Variants in MACF1 observed in about 807,000 individuals in gnomAD.
MACF1 encodes microtubule actin crosslinking factor 1, also known as microtubule-actin cross-linking factor 1.
In MACF1, 193 loss-of-function variants were observed where a neutral mutation model predicts 854.8. The ratio of observed to expected loss-of-function variants is 0.23; its 90% CI spans 0.20 to 0.25. The LOEUF is 0.25. MACF1 is among the 10% of genes least tolerant of loss of function. MACF1 has a pLI of 1.00. For synonymous variants in MACF1, 3,185 were observed against 3,226.7 expected (o/e 0.99, Z 0.44); for missense variants, 7,722 against 8,929.1 (o/e 0.86, Z 5.45).
At chr1:39,271,067 T>C (rs925884812) in intron 6 of MACF1, among the ~76,000 whole-genome samples, 2 of 152,074 alleles carry the variant, frequency 1.3e-5, no homozygotes, top group African/African-American at 2.4e-5. Context: ...GTGATAGTTG[T>C]GTTATGGTAG....
At chr1:39,311,182 G>A (rs982051217) in intron 26 of MACF1, among the ~76,000 whole-genome samples, 182 bp downstream of exon 26, 5 of 152,232 alleles carry the variant, frequency 3.3e-5, no homozygotes, top group African/African-American at 1.2e-4. Context: ...AGCTCCATGT[G>A]TATTGCTAAA....
chr1:39,092,363 T>C (rs1303405372), intron 2 of MACF1, among the ~76,000 whole-genome samples: 1 of 152,170 alleles, frequency 6.6e-6, no homozygotes, highest in Non-Finnish European at 1.5e-5. Context: ...TAATAGCTGG[T>C]AAAGTCACTG....
chr1:39,187,684 C>G (rs1644190199), intron 2 of MACF1, among the ~76,000 whole-genome samples: 1 of 152,136 alleles, frequency 6.6e-6, no homozygotes, highest in Non-Finnish European at 1.5e-5. Flanking sequence ...TTCTAGGTTG[C>G]AAATCACTTT....
intron 49 of MACF1, among the ~76,000 whole-genome samples, chr1:39,362,308 C>T (rs955693688): frequency 6.6e-6 from 1 of 152,182 alleles, no homozygotes; most frequent in Admixed American, 6.5e-5. Context: ...TTGCTGCCTT[C>T]GCTTTATCCA....
intron 51 of MACF1, among the ~76,000 whole-genome samples, chr1:39,372,007 C>T (rs1339894990): frequency 2.0e-5 from 3 of 151,764 alleles, no homozygotes; most frequent in African/African-American, 4.8e-5. Context: ...TTAGTAGAGA[C>T]GGGGTTTCAC....
chr1:39,102,924 G>C lies in MACF1; in HGVS notation c.220+18486G>C, dbSNP rs755293422. 2.4e-5 allele frequency: 17 copies of C among 701,898 alleles called. No homozygotes were observed. In the South Asian group the frequency reaches 2.5e-4, roughly 10 times the overall value. The allele number at this position is 701,898 out of a possible 1,614,324, so 43.5% of individuals were successfully genotyped here. A position where few individuals can be genotyped will look rare whatever the true frequency, so the allele number is the denominator to read the frequency against. On this transcript the variant is annotated intron_variant, in intron 2 of 93. Coordinates refer to the MACF1 transcript ENST00000361689. ...CTTCTTCCCATCCCCCCTGGCAGCCGCTTTGTTCCTCTAGCCTTGTAAAAT... is the reference window on the plus strand; with the variant it reads ...CTTCTTCCCATCCCCCCTGGCAGCCCCTTTGTTCCTCTAGCCTTGTAAAAT...
rs76171876 is a variant in MACF1 at position 39,317,492 on chromosome 1, A to G, written c.3782+85A>G. 3.9e-3 allele frequency: 5,543 copies of G among 1,408,976 alleles called. 218 individuals are homozygous for G. The African/African-American group carries it at 0.073, about 19-fold the overall frequency. The allele number at this position is 1,408,976 out of a possible 1,614,324, so 87.3% of individuals were successfully genotyped here. ...AACAGAGTTATATCTGTACATTTAT[A>G]TTTAAAGGTGGAAATGGATAGGGAG... On this transcript the variant is annotated intron_variant, in intron 29 of 100. Transcript: ENST00000564288.
intron 6 of MACF1, among the ~76,000 whole-genome samples, chr1:39,277,772 C>G (rs752894822): frequency 6.6e-6 from 1 of 152,164 alleles, no homozygotes; most frequent in Non-Finnish European, 1.5e-5. Flanking sequence ...TAAATTGTCT[C>G]CCTGATTAAA....
intron 85 of MACF1, 98 bp downstream of exon 85, chr1:39,451,309 G>T: frequency 8.2e-7 from 1 of 1,221,166 alleles, no homozygotes. Flanking sequence ...CTTCTTTCTA[G>T]GGGAGAAAGA....
intron 43 of MACF1, among the ~76,000 whole-genome samples, chr1:39,352,774 CCT>C (rs1205636697): frequency 6.7e-6 from 1 of 149,820 alleles, no homozygotes; most frequent in Non-Finnish European, 1.5e-5. Context: ...CTGTGTCCTG[CCT>C]CTTTTTTTTT....
chr1:39,128,709 A>AG (rs1268528250), intron 2 of MACF1, among the ~76,000 whole-genome samples: 1 of 152,114 alleles, frequency 6.6e-6, no homozygotes, highest in East Asian at 1.9e-4. Context: ...AAAAAAAAAA[A>AG]AAGATTTCTG....
At chr1:39,113,493 C>T (rs571789208) in intron 2 of MACF1, among the ~76,000 whole-genome samples, 34 of 152,274 alleles carry the variant, frequency 2.2e-4, no homozygotes, top group African/African-American at 6.7e-4. Flanking sequence ...TCCAACAGTA[C>T]ATCTGGCAAT....
At chr1:39,346,402 A>T (rs796897444) in intron 40 of MACF1, among the ~76,000 whole-genome samples, 29 of 152,158 alleles carry the variant, frequency 1.9e-4, no homozygotes, top group Admixed American at 1.6e-3. Flanking sequence ...TAACAATAGT[A>T]TAATTATGCT....
intron 72 of MACF1, among the ~76,000 whole-genome samples, chr1:39,439,839 C>G (rs1466584766): frequency 6.6e-6 from 1 of 152,134 alleles, no homozygotes; most frequent in Non-Finnish European, 1.5e-5. Context: ...CTCCTGACCT[C>G]AGGTGATCCA....
Position 39,310,265 on chromosome 1 carries a change from G to T in MACF1, c.2937G>T (p.Gly979=), listed in dbSNP as rs774004723. The change falls in exon 25 of 101, where the codon GGG becomes GGT. Residue 979 remains glycine (G), a synonymous_variant. Transcript: ENST00000564288. ...TCTAGCTTCGATCCTCAGCACCAGG[G>T]GAGTGCCATCAGATTATGAAGAACC... ...NLEKLRSSAP[G]ECHQIMKNLQ... The T allele has an allele frequency of 6.2e-7, 1 of 1,613,466 alleles. No individual in the cohort carries two copies. The highest frequency in any genetic ancestry group is 1.1e-5 in the South Asian group (1 of 90,954).
At chr1:39,419,319 G>A (rs1450869476) in intron 58 of MACF1, among the ~76,000 whole-genome samples, 2 of 152,198 alleles carry the variant, frequency 1.3e-5, no homozygotes, top group Non-Finnish European at 2.9e-5. Context: ...GGAAATGTTT[G>A]TAAACAAAGT....
chr1:39,412,158 G>A (rs778880071), intron 58 of MACF1: 1 of 1,613,980 alleles, frequency 6.2e-7, no homozygotes, highest in African/African-American at 1.3e-5. Flanking sequence ...ATGGCAGTTT[G>A]TCCCAGGGAG....
Position 39,427,086 on chromosome 1 carries a change from C to T in MACF1, c.16317-369C>T, listed in dbSNP as rs568964064. Among the ~76,000 whole-genome samples the T allele has an allele frequency of 4.9e-4, 74 of 152,246 alleles. No individual in the cohort carries two copies. The South Asian group carries it at 0.015, about 30-fold the overall frequency. ...GTTCAGGTGATATATATACTACATT[C>T]TGTTTTGATTTGTGTTAAATAAGGA... On this transcript the variant is annotated intron_variant, in intron 61 of 100. Transcript: ENST00000564288.
intron 2 of MACF1, among the ~76,000 whole-genome samples, chr1:39,163,855 G>C (rs921905217): frequency 7.9e-5 from 12 of 151,918 alleles, no homozygotes; most frequent in African/African-American, 2.9e-4. Flanking sequence ...CTTTTTTTCT[G>C]ATGTTAAATG....
Sources: gnomAD v4.1 joint callset for allele counts (sites outside exome capture counted in the v4.1 genomes callset) on GRCh38, gnomAD v4.1.1 for gene constraint, MANE v1.5 for transcripts, NCBI Gene and HGNC (gene_info 2026-07-23, HGNC 2026-07-21) for gene names.